ADAM10: variants seen among roughly 807,000 people sequenced by gnomAD.
ADAM10 encodes disintegrin and metalloproteinase domain-containing protein 10.
Under a neutral mutation model 90.1 loss-of-function variants are expected in ADAM10, and 17 were observed. The ratio of observed to expected loss-of-function variants is 0.19; its 90% confidence interval spans 0.13 to 0.28. The LOEUF (loss-of-function observed/expected upper bound fraction) is 0.28. Among genes scored for constraint, ADAM10 ranks in the 10% least tolerant of loss-of-function variants. The pLI is 1.00. For synonymous variants in ADAM10, 310 were observed against 298.6 expected (o/e 1.04, Z -0.40); for missense variants, 610 against 914.3 (o/e 0.67, Z 4.29).
At chr15:58,636,283 A>T (rs1207435120) in intron 8 of ADAM10, among the ~76,000 whole-genome samples, 1 of 152,102 alleles carries the variant, frequency 6.6e-6, no homozygotes, top group African/African-American at 2.4e-5. Flanking sequence ...TTTCAAAAAA[A>T]AAAAAAAAGG....
chr15:58,626,008 G>A (rs1230639551), intron 10 of ADAM10, among the ~76,000 whole-genome samples: 1 of 152,100 alleles, frequency 6.6e-6, no homozygotes, highest in Non-Finnish European at 1.5e-5. Flanking sequence ...ACAACAGAAG[G>A]GAGGTAAGCA....
At chr15:58,638,113 AG>A (rs1259996526) in intron 8 of ADAM10, among the ~76,000 whole-genome samples, 2 of 152,148 alleles carry the variant, frequency 1.3e-5, no homozygotes, top group Non-Finnish European at 2.9e-5. Flanking sequence ...GTGCCTGCCT[AG>A]CCCCTCCCCA....
At chr15:58,625,669 T>C (rs1009143842) in intron 10 of ADAM10, among the ~76,000 whole-genome samples, 1 of 152,138 alleles carries the variant, frequency 6.6e-6, no homozygotes, top group Non-Finnish European at 1.5e-5. Flanking sequence ...TATCTCAAAG[T>C]AAAAACTTAT....
At chr15:58,657,188 C>G (rs1412909230) in intron 5 of ADAM10, among the ~76,000 whole-genome samples, 1 of 152,124 alleles carries the variant, frequency 6.6e-6, no homozygotes, top group Non-Finnish European at 1.5e-5. Flanking sequence ...GTTAAATACG[C>G]TTGGTGCTTC....
rs1424967800 is a variant in ADAM10, at chr15:58,621,467, G to T, written c.1511+4C>A. ...TGTTAACATCACTGAAATTAGCAAGGTACCTGCACTGTTTCCCAGGTTTCA... is the reference window on the plus strand; with the variant it reads ...TGTTAACATCACTGAAATTAGCAAGTTACCTGCACTGTTTCCCAGGTTTCA... On this transcript the variant is annotated splice_donor_region_variant and intron_variant, in intron 11 of 15. Transcript: ENST00000260408. 1 of 1,613,814 alleles carries T rather than the reference G, an allele frequency of 6.2e-7. No individual in the cohort carries two copies. The highest frequency in any genetic ancestry group is 2.2e-5 in the East Asian group (1 of 44,878).
chr15:58,655,739 ATTCT>A (rs1896811989), intron 5 of ADAM10, among the ~76,000 whole-genome samples: 1 of 80,544 alleles, frequency 1.2e-5, no homozygotes, highest in African/African-American at 4.7e-5. Context: ...ATATATATAT[ATTCT>A]TTTTTTTTTT....
At chr15:58,664,821 A>G (rs1015806081) in intron 5 of ADAM10, among the ~76,000 whole-genome samples, 1 of 152,190 alleles carries the variant, frequency 6.6e-6, no homozygotes, top group Non-Finnish European at 1.5e-5. Context: ...AAATATTTAC[A>G]TTTATATAAA....
In ADAM10 at chr15:58,611,812, T is replaced by C. The variant is rs200668426; in HGVS notation, c.1691A>G (p.Asn564Ser). The C allele has an allele frequency of 1.2e-6, 2 of 1,614,084 alleles. No homozygotes were observed. Among genetic ancestry groups the C allele is most frequent in the East Asian group, 2.2e-5 (1 of 44,882 alleles). The change falls in exon 12 of 16, where the codon AAT becomes AGT. Residue 564 changes from asparagine to serine, a missense_variant. This residue lies in a region of ADAM10 where 150 missense variants were observed against 268.5 expected (regional missense o/e 0.56). Coordinates refer to ENST00000260408, the MANE Select transcript of ADAM10 (RefSeq NM_001110.4). The part of the protein sequence containing the change: ...DCNRHTQVCI[N>S]GQCAGSICEK... ...AACATATAGTTAAATGCTTACCCCA[T>C]TAATGCACACTTGTGTATGCCTATT...
At chr15:58,707,593 T>C (rs963862746) in intron 2 of ADAM10, among the ~76,000 whole-genome samples, 1 of 151,890 alleles carries the variant, frequency 6.6e-6, no homozygotes, top group Non-Finnish European at 1.5e-5. Context: ...ACAACGTGAG[T>C]CTCACGTAAA....
chr15:58,633,729 A>G (rs1176422999), intron 8 of ADAM10, among the ~76,000 whole-genome samples: 1 of 152,216 alleles, frequency 6.6e-6, no homozygotes, highest in Non-Finnish European at 1.5e-5. Context: ...CATCTTTTAA[A>G]AAGAAATCTT....
chr15:58,670,837 T>C (rs1596050757), intron 4 of ADAM10, among the ~76,000 whole-genome samples: 1 of 152,160 alleles, frequency 6.6e-6, no homozygotes, highest in Admixed American at 6.5e-5. Flanking sequence ...TTGTCAGCCA[T>C]GATCAATCAA....
rs1555414929 is a variant in ADAM10 at position 58,655,719 on chromosome 15, A to ATATACTATATATAGTG, written c.585+9377_585+9378insCACTATATATAGTATA. 6.4e-5 allele frequency among the ~76,000 whole-genome samples: 3 copies of ATATACTATATATAGTG among 46,922 alleles called. 1 individual carries two copies. Among genetic ancestry groups the ATATACTATATATAGTG allele is most frequent in the African/African-American group, 1.6e-4 (1 of 6,448 alleles). The allele number at this position is 46,922 out of a possible 152,430, so 30.8% of individuals were successfully genotyped here. On this transcript the variant is annotated intron_variant, in intron 5 of 15. Coordinates refer to ENST00000260408, the MANE Select transcript of ADAM10 (RefSeq NM_001110.4). ...TAGTATATATATATATAGTATATAT[A>ATATACTATATATAGTG]TATATATATATATATATATATTCTT...
chr15:58,687,778 A>C (rs556824875), intron 2 of ADAM10, among the ~76,000 whole-genome samples: 1 of 152,366 alleles, frequency 6.6e-6, no homozygotes, highest in East Asian at 1.9e-4. Flanking sequence ...CAAAAAAATT[A>C]TGCTGAGTGG....
At chr15:58,658,737 T>A (rs567269379) in intron 5 of ADAM10, among the ~76,000 whole-genome samples, 220 of 152,356 alleles carry the variant, frequency 1.4e-3, no homozygotes, top group African/African-American at 4.9e-3. Context: ...ACATATTTTA[T>A]ATTTTGATGC....
intron 1 of ADAM10, chr15:58,749,030 G>A: frequency 2.5e-6 from 1 of 399,188 alleles, no homozygotes. Flanking sequence ...CCGCCACCGG[G>A]CAGGGGCTGG....
At chr15:58,677,563 T>C (rs1328757820) in intron 4 of ADAM10, among the ~76,000 whole-genome samples, 3 of 151,682 alleles carry the variant, frequency 2.0e-5, no homozygotes, top group Admixed American at 1.3e-4. Context: ...TACACACAAG[T>C]AGATAACAGA....
chr15:58,619,334 A>G (rs1319150887), intron 11 of ADAM10, among the ~76,000 whole-genome samples: 1 of 152,210 alleles, frequency 6.6e-6, no homozygotes, highest in African/African-American at 2.4e-5. Context: ...TGAGAAGGGT[A>G]GTGGAGAGGT....
chr15:58,706,764 A>C (rs1427515171), intron 2 of ADAM10, among the ~76,000 whole-genome samples: 1 of 152,134 alleles, frequency 6.6e-6, no homozygotes, highest in Non-Finnish European at 1.5e-5. Context: ...TAATTCCAGA[A>C]CTTTGGGAGG....
At chr15:58,717,978 T>G (rs1898721900) in intron 1 of ADAM10, among the ~76,000 whole-genome samples, 1 of 152,004 alleles carries the variant, frequency 6.6e-6, no homozygotes, top group Non-Finnish European at 1.5e-5. Context: ...CTGAGCAAGT[T>G]CTCTTCTATT....
Sources: allele counts gnomAD v4.1 joint callset (sites outside exome capture counted in the v4.1 genomes callset), GRCh38; gene constraint gnomAD v4.1.1; regional missense constraint gnomAD v4.1.1; transcripts MANE v1.5; gene names NCBI Gene and HGNC (gene_info 2026-07-23, HGNC 2026-07-21).